DTNA: variants seen among roughly 807,000 people sequenced by gnomAD.
The protein encoded by DTNA is dystrobrevin alpha.
In DTNA, 43 loss-of-function variants were observed where a neutral mutation model predicts 100.7. The observed-to-expected ratio is 0.43, with a 90% CI of 0.33 to 0.55. DTNA has a LOEUF of 0.55. Ranked by LOEUF, DTNA falls within the 20% of genes least tolerant of loss-of-function variation. The probability of loss-of-function intolerance (pLI) is 0.04; values close to 1 mark genes in which losing one functional copy is unlikely to be tolerated. For synonymous variants in DTNA, 349 were observed against 347.9 expected, an observed-to-expected ratio of 1.00 and a Z score of -0.04; for missense variants, 798 against 953.9, an observed-to-expected ratio of 0.84 and a Z score of 2.15.
At chr18:34,818,465 C>T in intron 8 of DTNA, 135 bp downstream of exon 8, 1 of 1,536,696 alleles carries the variant, frequency 6.5e-7, no homozygotes, top group Non-Finnish European at 8.7e-7. Flanking sequence ...AGTCCCCCTT[C>T]CTCCCACTCT....
At chr18:34,585,215 T>C (rs1185353686) in intron 1 of DTNA, among the ~76,000 whole-genome samples, 1 of 151,440 alleles carries the variant, frequency 6.6e-6, no homozygotes, top group Non-Finnish European at 1.5e-5. Context: ...GGATGACAGC[T>C]CAGTAGCAAG....
At chr18:34,660,909 A>G (rs1295100362) in intron 1 of DTNA, among the ~76,000 whole-genome samples, 1 of 152,176 alleles carries the variant, frequency 6.6e-6, no homozygotes, top group Non-Finnish European at 1.5e-5. Context: ...CCTAAAATGT[A>G]TAAAACTAAG....
At chr18:34,515,237 C>T (rs893788970) in intron 1 of DTNA, among the ~76,000 whole-genome samples, 4 of 151,918 alleles carry the variant, frequency 2.6e-5, no homozygotes, top group South Asian at 2.1e-4. Flanking sequence ...TGGCAAACTC[C>T]CTTGAGTTTT....
At chr18:34,665,087 C>T (rs2075722987) in intron 1 of DTNA, among the ~76,000 whole-genome samples, 1 of 151,680 alleles carries the variant, frequency 6.6e-6, no homozygotes, top group African/African-American at 2.4e-5. Context: ...ATGTCATATG[C>T]AAGGCCACCA....
chr18:34,523,250 C>A (rs1321629912), intron 1 of DTNA, among the ~76,000 whole-genome samples: 2 of 152,138 alleles, frequency 1.3e-5, no homozygotes, highest in African/African-American at 4.8e-5. Context: ...CAAAACTATT[C>A]TTCTCTTTTC....
chr18:34,511,965 G>A (rs1405966215), intron 1 of DTNA, among the ~76,000 whole-genome samples: 2 of 151,978 alleles, frequency 1.3e-5, no homozygotes, highest in Non-Finnish European at 2.9e-5. Flanking sequence ...TCTGTTATTT[G>A]GGGGGATTTT....
chr18:34,816,028 A>G lies in DTNA; in HGVS notation c.709+14A>G, dbSNP rs1156361184. 1 of 1,606,728 alleles carries G rather than the reference A, an allele frequency of 6.2e-7. No homozygotes were observed. Among genetic ancestry groups the G allele is most frequent in the Admixed American group, 1.7e-5 (1 of 60,000 alleles). On this transcript the variant is annotated intron_variant, in intron 7 of 22. Coordinates refer to ENST00000444659, the MANE Select transcript of DTNA (RefSeq NM_001386795.1). Reference sequence around the variant, plus strand: ...ATGTGGAAAATGGTGAGTAGTTACTAAGGAGCAAAGGTGATTTTTTAAATT... The same window carrying G: ...ATGTGGAAAATGGTGAGTAGTTACTGAGGAGCAAAGGTGATTTTTTAAATT...
In DTNA at chr18:34,781,527, C is replaced by T. The variant is rs1297436800; in HGVS notation, c.149-12510C>T. Among the ~76,000 whole-genome samples the T allele has an allele frequency of 2.0e-5, 3 of 152,074 alleles. No individual in the cohort carries two copies. In the East Asian group the frequency reaches 5.8e-4, roughly 29 times the overall value. ...TTTTTTTAACAAAAGATACACTCCT[C>T]ATGTTCTTTATACTATATTGATTTA... On this transcript the variant is annotated intron_variant, in intron 3 of 22. Coordinates refer to ENST00000444659, the MANE Select transcript of DTNA (RefSeq NM_001386795.1).
At position 34,889,982 on chromosome 18, in the gene DTNA, C is replaced by T. The variant is rs1170778352; in HGVS notation, c.*2248C>T. ...TACTCAGTATTGAAAACCACTACAT[C>T]CCAGCTACCTATAATGCTGTCAGCT... On this transcript the variant is annotated 3_prime_UTR_variant, in exon 23 of 23. Transcript: ENST00000444659. 1.7e-6 allele frequency: 2 copies of T among 1,145,870 alleles called. No homozygotes were observed. The highest frequency in any genetic ancestry group is 1.0e-4 in the East Asian group (2 of 19,766). The allele number at this position is 1,145,870 out of a possible 1,614,324, so 71.0% of individuals were successfully genotyped here.
intron 15 of DTNA, among the ~76,000 whole-genome samples, chr18:34,853,147 AGGT>A (rs2096503702): frequency 6.6e-6 from 1 of 152,202 alleles, no homozygotes; most frequent in Admixed American, 6.5e-5. Flanking sequence ...AACTTGTACT[AGGT>A]CGGTGCAAAT....
chr18:34,642,733 ATT>A lies in DTNA; in HGVS notation c.-1-113239_-1-113238del, dbSNP rs542589773. Among the ~76,000 whole-genome samples, 462 of 151,816 alleles carry A rather than the reference ATT, an allele frequency of 3.0e-3. 2 individuals are homozygous for A. Among genetic ancestry groups the A allele is most frequent in the African/African-American group, 0.011 (435 of 41,374 alleles). ...ACCACCACGCCCAGCTAATTTTTGT[ATT>A]TTTAGTAGAGATGGGTTTTCACCAT... is the stretch of plus-strand genomic sequence containing the variant. On this transcript the variant is annotated intron_variant, in intron 1 of 19. Coordinates refer to the DTNA transcript ENST00000283365.
chr18:34,768,888 T>C (rs964649239), intron 3 of DTNA, among the ~76,000 whole-genome samples: 5 of 152,190 alleles, frequency 3.3e-5, no homozygotes, highest in African/African-American at 1.2e-4. Flanking sequence ...TGTAGAAAGA[T>C]AATGATAGAA....
At chr18:34,741,432 T>C (rs2090629823) in intron 1 of DTNA, among the ~76,000 whole-genome samples, 1 of 152,210 alleles carries the variant, frequency 6.6e-6, no homozygotes, top group Non-Finnish European at 1.5e-5. Flanking sequence ...CTATTAAATT[T>C]GTTCATATTA....
intron 13 of DTNA, among the ~76,000 whole-genome samples, chr18:34,842,333 G>A (rs2096282928): frequency 6.6e-6 from 1 of 152,164 alleles, no homozygotes; most frequent in Non-Finnish European, 1.5e-5. Flanking sequence ...AATCCATCTA[G>A]TTTAAAATTG....
rs576425398 is a variant in DTNA at position 34,603,394 on chromosome 18, T to G, written c.-2+109880T>G. Among the ~76,000 whole-genome samples, 39 of 151,716 alleles carry G rather than the reference T, an allele frequency of 2.6e-4. 2 individuals are homozygous for G. In the South Asian group the frequency reaches 6.6e-3, roughly 26 times the overall value. On this transcript the variant is annotated intron_variant, in intron 1 of 19. Coordinates refer to the DTNA transcript ENST00000283365. ...GTATCCTTAGTATTTGGCACTTTATTTTCATTCTCTTTTTTTTTAGCAGTT... is the reference window on the plus strand; with the variant it reads ...GTATCCTTAGTATTTGGCACTTTATGTTCATTCTCTTTTTTTTTAGCAGTT...
At chr18:34,814,751 A>G (rs2095559627) in intron 6 of DTNA, among the ~76,000 whole-genome samples, 1 of 152,112 alleles carries the variant, frequency 6.6e-6, no homozygotes, top group Non-Finnish European at 1.5e-5. Context: ...TGTGATGTTG[A>G]CATGTTCAAA....
chr18:34,507,572 GGAGATCA>G (rs1477394815), intron 1 of DTNA, among the ~76,000 whole-genome samples: 1 of 152,118 alleles, frequency 6.6e-6, no homozygotes, highest in Non-Finnish European at 1.5e-5. Flanking sequence ...TTGACATGGA[GGAGATCA>G]CAAAGGACAA....
chr18:34,788,183 T>C (rs1188431502), intron 3 of DTNA, among the ~76,000 whole-genome samples: 1 of 152,184 alleles, frequency 6.6e-6, no homozygotes, highest in African/African-American at 2.4e-5. Flanking sequence ...TCATCTAAAA[T>C]GATTTAACTA....
intron 1 of DTNA, among the ~76,000 whole-genome samples, chr18:34,514,469 T>C (rs1248130804): frequency 6.6e-6 from 1 of 152,130 alleles, no homozygotes; most frequent in Non-Finnish European, 1.5e-5. Context: ...CACATAAGGC[T>C]CATGGTGAAT....
Sources: gnomAD v4.1 joint callset for allele counts (sites outside exome capture counted in the v4.1 genomes callset) on GRCh38, gnomAD v4.1.1 for gene constraint, MANE v1.5 for transcripts, NCBI Gene and HGNC (gene_info 2026-07-23, HGNC 2026-07-21) for gene names.